Variants in PRRX1 observed in about 807,000 individuals in gnomAD.
PRRX1 encodes paired mesoderm homeobox protein 1.
In PRRX1, 8 loss-of-function variants were observed where a neutral mutation model predicts 24.0. The ratio of observed to expected loss-of-function variants is 0.33; its 90% CI spans 0.20 to 0.60. The LOEUF is 0.60. Ranked by LOEUF, PRRX1 falls within the 20% of genes least tolerant of loss-of-function variation. PRRX1 has a pLI of 0.82. For missense variants in PRRX1, 281 were observed against 322.4 expected (o/e 0.87, Z 0.98); for synonymous variants, 160 against 131.7 (o/e 1.22, Z -1.47).
At chr1:170,704,727 A>G (rs1654501905) in intron 1 of PRRX1, among the ~76,000 whole-genome samples, 1 of 152,202 alleles carries the variant, frequency 6.6e-6, no homozygotes, top group South Asian at 2.1e-4. Context: ...ATTTTCCCCA[A>G]CAGATCTGCA....
At chr1:170,700,415 T>C (rs1654316489) in intron 1 of PRRX1, among the ~76,000 whole-genome samples, 2 of 152,282 alleles carry the variant, frequency 1.3e-5, no homozygotes, top group Non-Finnish European at 1.5e-5. Context: ...AAAAATGACA[T>C]GTCCTTGTGT....
intron 3 of PRRX1, chr1:170,730,328 C>G (rs1001353399): frequency 6.2e-7 from 1 of 1,611,602 alleles, no homozygotes; most frequent in South Asian, 1.1e-5. Context: ...ATAACGGATT[C>G]TAACGGAAGA....
chr1:170,718,449 T>G (rs1487209302), intron 1 of PRRX1, among the ~76,000 whole-genome samples: 2 of 152,208 alleles, frequency 1.3e-5, no homozygotes, highest in East Asian at 1.9e-4. Context: ...CTTGTGCTAA[T>G]AGTTTTGCTG....
intron 1 of PRRX1, among the ~76,000 whole-genome samples, chr1:170,714,537 C>G (rs1269296705): frequency 6.7e-6 from 1 of 148,834 alleles, no homozygotes; most frequent in Non-Finnish European, 1.5e-5. Flanking sequence ...ACGCATTTTT[C>G]TTCAGATTTT....
intron 1 of PRRX1, among the ~76,000 whole-genome samples, chr1:170,684,076 C>A (rs1653647890): frequency 6.6e-6 from 1 of 152,182 alleles, no homozygotes; most frequent in Non-Finnish European, 1.5e-5. Context: ...CGAGATGGAT[C>A]TAAAATTGTG....
chr1:170,738,883 A>C lies in PRRX1; in HGVS notation c.*2697A>C, dbSNP rs1655708039. On this transcript the variant is annotated 3_prime_UTR_variant, in exon 4 of 4. Coordinates refer to ENST00000239461, the MANE Select transcript of PRRX1 (RefSeq NM_022716.4). Reference sequence around the variant, plus strand: ...CAAGCAATGTCTGGGAATATCATAGAGTAACAAGTGCTGGTCAGCCAAAGA... The same window carrying C: ...CAAGCAATGTCTGGGAATATCATAGCGTAACAAGTGCTGGTCAGCCAAAGA... The C allele has an allele frequency of 4.4e-6, 1 of 229,684 alleles. No individual in the cohort carries two copies. Among genetic ancestry groups the C allele is most frequent in the African/African-American group, 2.2e-5 (1 of 45,214 alleles). 14.2% of individuals were successfully genotyped at this position (229,684 alleles called of 1,614,324 possible). A position where few individuals can be genotyped will look rare whatever the true frequency, so the allele number is the denominator to read the frequency against.
intron 1 of PRRX1, among the ~76,000 whole-genome samples, chr1:170,683,132 T>C (rs918930913): frequency 1.3e-5 from 2 of 152,220 alleles, no homozygotes; most frequent in Admixed American, 6.5e-5. Flanking sequence ...CAGGGAGACA[T>C]TGAAACCGGA....
Position 170,738,040 on chromosome 1 carries a change from A to G in PRRX1, c.*1854A>G, listed in dbSNP as rs768431401. Reference sequence around the variant, plus strand: ...ATGAGAAATAGGTTTATATTTTCAGATCTCTCAAAAATCACATCATTTGAC... The same window carrying G: ...ATGAGAAATAGGTTTATATTTTCAGGTCTCTCAAAAATCACATCATTTGAC... On this transcript the variant is annotated 3_prime_UTR_variant, in exon 4 of 4. Transcript: ENST00000239461. The G allele has an allele frequency of 7.4e-5, 16 of 217,330 alleles. No homozygotes were observed. The highest frequency in any genetic ancestry group is 2.3e-4 in the Admixed American group (4 of 17,232). The allele number at this position is 217,330 out of a possible 1,614,324, so 13.5% of individuals were successfully genotyped here.
chr1:170,674,530 A>AATC (rs1653247445), intron 1 of PRRX1, among the ~76,000 whole-genome samples: 1 of 151,180 alleles, frequency 6.6e-6, no homozygotes, highest in African/African-American at 2.5e-5. Context: ...GGGAAATAAC[A>AATC]ATCAGTGGCT....
intron 2 of PRRX1, among the ~76,000 whole-genome samples, chr1:170,721,955 A>T (rs1309740262): frequency 1.3e-5 from 2 of 152,008 alleles, no homozygotes; most frequent in African/African-American, 4.8e-5. Context: ...GGAAAACTGC[A>T]GAGGGCAATG....
At chr1:170,662,950 C>T (rs1471568652), upstream of PRRX1, 1 of 152,086 alleles carries the variant, frequency 6.6e-6, no homozygotes, top group Non-Finnish European at 1.5e-5. Context: ...TCTTTTCTCC[C>T]CGTGATATTA....
intron 1 of PRRX1, among the ~76,000 whole-genome samples, chr1:170,684,859 C>T (rs1653677850): frequency 6.6e-6 from 1 of 152,200 alleles, no homozygotes; most frequent in Non-Finnish European, 1.5e-5. Flanking sequence ...TTCTCAGCAT[C>T]TTGAGCTTTC....
At chr1:170,703,466 T>G (rs966973712) in intron 1 of PRRX1, among the ~76,000 whole-genome samples, 15 of 152,224 alleles carry the variant, frequency 9.9e-5, no homozygotes, top group African/African-American at 3.6e-4. Flanking sequence ...TCAGAAATAT[T>G]TATTAAGTAC....
Position 170,664,474 on chromosome 1 carries a change from C to T in PRRX1, c.241+15C>T. 3.8e-6 allele frequency: 6 copies of T among 1,589,774 alleles called. No individual in the cohort carries two copies. The highest frequency in any genetic ancestry group is 5.1e-6 in the Non-Finnish European group (6 of 1,169,092). The stretch of plus-strand genomic sequence containing the variant: ...GCAGCAGGACAGTGAGTGAGGGGCG[C>T]ATGCCCACGGGGGTGTGTGCCCGGG... On this transcript the variant is annotated intron_variant, in intron 1 of 3. Transcript: ENST00000239461.
intron 3 of PRRX1, among the ~76,000 whole-genome samples, chr1:170,734,279 T>C (rs1482525625): frequency 6.6e-6 from 1 of 150,878 alleles, no homozygotes; most frequent in Non-Finnish European, 1.5e-5. Flanking sequence ...CAGAAACCAA[T>C]GACATCGAGC....
intron 3 of PRRX1, chr1:170,726,737 A>G (rs1655269735): frequency 9.0e-6 from 2 of 221,342 alleles, no homozygotes; most frequent in South Asian, 2.5e-4. Context: ...ACAAAACTTT[A>G]CCCTGTTTCC....
At chr1:170,676,447 A>G (rs995393424) in intron 1 of PRRX1, among the ~76,000 whole-genome samples, 1 of 151,958 alleles carries the variant, frequency 6.6e-6, no homozygotes, top group African/African-American at 2.4e-5. Context: ...AGGCCAGGAA[A>G]TCCAATCTAT....
chr1:170,665,261 C>T (rs1378630436), intron 1 of PRRX1, among the ~76,000 whole-genome samples: 2 of 152,224 alleles, frequency 1.3e-5, no homozygotes, highest in Non-Finnish European at 2.9e-5. Context: ...GGAGCTCTCC[C>T]TATTGGCTCT....
intron 1 of PRRX1, among the ~76,000 whole-genome samples, chr1:170,702,697 G>C (rs778960395): frequency 2.6e-5 from 4 of 152,080 alleles, no homozygotes; most frequent in Admixed American, 2.6e-4. Context: ...AAGGGTAAAC[G>C]CTCAAATTTA....
Sources: allele counts gnomAD v4.1 joint callset (sites outside exome capture counted in the v4.1 genomes callset), GRCh38; gene constraint gnomAD v4.1.1; transcripts MANE v1.5; gene names NCBI Gene and HGNC (gene_info 2026-07-23, HGNC 2026-07-21).